FSTL1: variants seen among roughly 807,000 people sequenced by gnomAD.
FSTL1 encodes follistatin-related protein 1.
In FSTL1, 24 loss-of-function variants were observed where a neutral mutation model predicts 45.9. The observed-to-expected ratio is 0.52, with a 90% CI of 0.38 to 0.74. The LOEUF (loss-of-function observed/expected upper bound fraction) is 0.74, where lower values mean the gene tolerates loss of function less well. Ranked by LOEUF, FSTL1 falls within the 30% of genes least tolerant of loss-of-function variation. The probability of loss-of-function intolerance (pLI) is 0.00; values close to 1 mark genes in which losing one functional copy is unlikely to be tolerated. For missense variants in FSTL1, 340 were observed against 381.8 expected (o/e 0.89, Z 0.91); for synonymous variants, 120 against 137.6 (o/e 0.87, Z 0.89).
At chr3:120,437,131 C>T (rs184910514) in intron 2 of FSTL1, among the ~76,000 whole-genome samples, 26 of 152,324 alleles carry the variant, frequency 1.7e-4, no homozygotes, top group Admixed American at 1.5e-3. Flanking sequence ...AGAAATTTCT[C>T]GGACCATCTT....
At chr3:120,447,266 GA>G (rs1559746593) in intron 2 of FSTL1, among the ~76,000 whole-genome samples, 1 of 152,198 alleles carries the variant, frequency 6.6e-6, no homozygotes, top group Non-Finnish European at 1.5e-5. Flanking sequence ...AGGGGGATGG[GA>G]AAGAGTAGAT....
chr3:120,402,396 G>A (rs1246927587), intron 9 of FSTL1, among the ~76,000 whole-genome samples: 22 of 151,686 alleles, frequency 1.5e-4, no homozygotes, highest in Admixed American at 1.4e-3. Flanking sequence ...TGCTTTCACT[G>A]TTACTATTCC....
chr3:120,435,420 A>G (rs772381147), intron 2 of FSTL1, among the ~76,000 whole-genome samples: 5 of 152,018 alleles, frequency 3.3e-5, no homozygotes, highest in Non-Finnish European at 7.4e-5. Context: ...CTTCCTCATC[A>G]CTATTTTCCT....
chr3:120,412,836 G>GCTCACACA (rs1489987751), intron 3 of FSTL1, among the ~76,000 whole-genome samples: 1 of 72,788 alleles, frequency 1.4e-5, no homozygotes, highest in Non-Finnish European at 3.4e-5. Context: ...GCGCGCGCGC[G>GCTCACACA]CGCACACACA....
At chr3:120,410,450 A>C in intron 5 of FSTL1, 1 of 268,182 alleles carries the variant, frequency 3.7e-6, no homozygotes, top group East Asian at 9.7e-5. Flanking sequence ...TCTATATGGT[A>C]ATTACAATAA....
intron 6 of FSTL1, among the ~76,000 whole-genome samples, chr3:120,408,894 G>A (rs1576211379): frequency 6.6e-6 from 1 of 152,156 alleles, no homozygotes; most frequent in African/African-American, 2.4e-5. Flanking sequence ...TTCTGTGAAA[G>A]ATCTGCATGG....
rs1312118523 is a variant in FSTL1 at position 120,393,223 on chromosome 3, G to A, written c.*3729C>T. On this transcript the variant is annotated 3_prime_UTR_variant, in exon 11 of 11. Transcript: ENST00000295633. ...CTTTTAATATTTGATTAGCATTTGG[G>A]TAATATCCCAAATCCAATCAAAGTG... is the stretch of plus-strand genomic sequence containing the variant. 6.6e-6 allele frequency: 1 copy of A among 152,150 alleles called. No individual in the cohort carries two copies. The highest frequency in any genetic ancestry group is 2.4e-5 in the African/African-American group (1 of 41,438). The allele number at this position is 152,150 out of a possible 1,614,324, so 9.4% of individuals were successfully genotyped here.
rs76222018 is a variant in FSTL1 at position 120,410,935 on chromosome 3, A to G, written c.331+17T>C. On this transcript the variant is annotated intron_variant, in intron 5 of 10. Transcript: ENST00000295633. ...GTCCTCCCTGAGATGCACACAGTAG[A>G]AAAAATAGGCACTCACCTGGGCTGG... 3 of 1,594,556 alleles carry G rather than the reference A, an allele frequency of 1.9e-6. No individual in the cohort carries two copies. The highest frequency in any genetic ancestry group is 1.7e-6 in the Non-Finnish European group (2 of 1,162,206).
At chr3:120,425,911 AC>A (rs1428085024) in intron 2 of FSTL1, among the ~76,000 whole-genome samples, 1 of 152,072 alleles carries the variant, frequency 6.6e-6, no homozygotes, top group African/African-American at 2.4e-5. Flanking sequence ...ACTGGGTGGA[AC>A]CCTCTACTCC....
chr3:120,439,706 T>A (rs1392258935), intron 2 of FSTL1, among the ~76,000 whole-genome samples: 2 of 152,162 alleles, frequency 1.3e-5, no homozygotes, highest in Admixed American at 6.5e-5. Context: ...CAGTGAACAG[T>A]CTGTACAACC....
At chr3:120,430,039 G>A (rs142258079) in intron 2 of FSTL1, among the ~76,000 whole-genome samples, 99 of 152,288 alleles carry the variant, frequency 6.5e-4, no homozygotes, top group African/African-American at 2.2e-3. Context: ...GTGGCACAGG[G>A]ATCCTGTAGT....
chr3:120,420,631 G>A (rs967818414), intron 2 of FSTL1, among the ~76,000 whole-genome samples: 5 of 152,198 alleles, frequency 3.3e-5, no homozygotes, highest in African/African-American at 4.8e-5. Context: ...AAGTATCTGA[G>A]CAACGGTCAG....
chr3:120,392,613 T>C lies in FSTL1; in HGVS notation c.*4339A>G, dbSNP rs898312208. 6 of 152,234 alleles carry C rather than the reference T, an allele frequency of 3.9e-5. No individual in the cohort carries two copies. The highest frequency in any genetic ancestry group is 6.5e-5 in the Admixed American group (1 of 15,280). The allele number at this position is 152,234 out of a possible 1,614,324, so 9.4% of individuals were successfully genotyped here. A position where few individuals can be genotyped will look rare whatever the true frequency, so the allele number is the denominator to read the frequency against. ...CATATTATTTTTTCAGTAAAAAAGT[T>C]AAATCATTAGGAAAACATTAATTCT... On this transcript the variant is annotated 3_prime_UTR_variant, in exon 11 of 11. Coordinates refer to ENST00000295633, the MANE Select transcript of FSTL1 (RefSeq NM_007085.5).
chr3:120,418,652 AG>A (rs1937228314), intron 2 of FSTL1, among the ~76,000 whole-genome samples: 1 of 152,204 alleles, frequency 6.6e-6, no homozygotes, highest in African/African-American at 2.4e-5. Context: ...GTGCGTTAAG[AG>A]TGCGTCAGAG....
At chr3:120,406,263 A>C (rs762557001) in intron 6 of FSTL1, among the ~76,000 whole-genome samples, 2 of 152,180 alleles carry the variant, frequency 1.3e-5, no homozygotes, top group Non-Finnish European at 2.9e-5. Flanking sequence ...AGTCTTGATT[A>C]ATTAATGGAA....
intron 2 of FSTL1, among the ~76,000 whole-genome samples, chr3:120,445,440 G>C (rs1259333): frequency 0.93 from 138,599 of 148,628 alleles, 65,346 homozygotes; most frequent in Non-Finnish European, 0.97. Flanking sequence ...TCTTTGGGCA[G>C]AGAGTCATGA....
At position 120,410,594 on chromosome 3, in the gene FSTL1, T is replaced by C. The variant is rs116216217; in HGVS notation, c.331+358A>G. 1,127 of 373,304 alleles carry C rather than the reference T, an allele frequency of 3.0e-3. 11 individuals are homozygous for C. The highest frequency in any genetic ancestry group is 0.021 in the African/African-American group (986 of 47,780). The allele number at this position is 373,304 out of a possible 1,614,324, so 23.1% of individuals were successfully genotyped here. On this transcript the variant is annotated intron_variant, in intron 5 of 10. Transcript: ENST00000295633. ...GAAGTCTTACTGGCATTTCCAGTTA[T>C]CCCCTTTCAAAAAGAGTTGTGCCTT...
At chr3:120,443,397 A>G (rs1937666858) in intron 2 of FSTL1, among the ~76,000 whole-genome samples, 1 of 149,898 alleles carries the variant, frequency 6.7e-6, no homozygotes. Flanking sequence ...CACTCTTCCT[A>G]ATAGTAGCTT....
chr3:120,407,780 G>A (rs1936975877), intron 6 of FSTL1, among the ~76,000 whole-genome samples: 1 of 152,182 alleles, frequency 6.6e-6, no homozygotes, highest in Non-Finnish European at 1.5e-5. Flanking sequence ...CTGGGAAGAG[G>A]GGATTTTGTG....
Sources: allele counts gnomAD v4.1 joint callset (sites outside exome capture counted in the v4.1 genomes callset), GRCh38; gene constraint gnomAD v4.1.1; transcripts MANE v1.5; gene names NCBI Gene and HGNC (gene_info 2026-07-23, HGNC 2026-07-21).